ASL: variants seen among roughly 807,000 people sequenced by gnomAD.
ASL encodes argininosuccinase.
A neutral mutation model predicts 69.1 loss-of-function variants in ASL; 51 were observed. That is an observed-to-expected ratio of 0.74 (90% CI 0.59 to 0.93). The LOEUF is 0.93. Ranked by LOEUF, ASL falls within the 40% of genes least tolerant of loss-of-function variation. The probability of loss-of-function intolerance (pLI) is 0.00; values close to 1 mark genes in which losing one functional copy is unlikely to be tolerated. For synonymous variants in ASL, 241 were observed against 247.6 expected, an observed-to-expected ratio of 0.97 and a Z score of 0.25; for missense variants, 540 against 623.9, an observed-to-expected ratio of 0.87 and a Z score of 1.43.
intron 6 of ASL, among the ~76,000 whole-genome samples, chr7:66,085,003 C>T (rs1786618928): frequency 6.6e-6 from 1 of 152,120 alleles, no homozygotes. Flanking sequence ...AGTGATCCTT[C>T]CCTCTTGGCC....
chr7:66,091,967 G>T (rs1003974797), intron 14 of ASL, 39 bp from the exon 15 acceptor site: 1 of 1,610,390 alleles, frequency 6.2e-7, no homozygotes. Context: ...CAGATCCCAG[G>T]GTCCCCAGGG....
Position 66,088,813 on chromosome 7 carries a change from T to G in ASL, c.725T>G (p.Phe242Cys). 6.2e-7 allele frequency: 1 copy of G among 1,613,150 alleles called. No homozygotes were observed. Among genetic ancestry groups the G allele is most frequent in the Non-Finnish European group, 8.5e-7 (1 of 1,179,670 alleles). ...ATSERDFVAE[F>C]LFWASLCMTH... Reference sequence around the variant, plus strand: ...TGGGAACCTTTTCTCCCAGCCGAGTTCCTGTTCTGGGCTTCGCTGTGCATG... The same window carrying G: ...TGGGAACCTTTTCTCCCAGCCGAGTGCCTGTTCTGGGCTTCGCTGTGCATG... Residue 242 changes from phenylalanine (F) to cysteine (C), a missense_variant, in exon 11 of 17, where the codon TTC becomes TGC. Physicochemically the swap from Phe to Cys is radical, Grantham distance 205 (BLOSUM62 -2). Transcript: ENST00000304874.
rs753529387 is a variant in ASL, at chr7:66,076,073, C to T, written c.-9C>T. The T allele has an allele frequency of 6.2e-7, 1 of 1,600,132 alleles. No individual in the cohort carries two copies. The highest frequency in any genetic ancestry group is 1.7e-5 in the Admixed American group (1 of 58,378). The stretch of plus-strand genomic sequence containing the variant: ...ACCGAAGCTTCCGGACGACGAGGAA[C>T]CGCCCAACATGGCCTCGGAGGTGAG... On this transcript the variant is annotated 5_prime_UTR_variant, in exon 2 of 17. Transcript: ENST00000304874.
chr7:66,078,451 AC>A (rs1786410427), intron 2 of ASL, among the ~76,000 whole-genome samples: 1 of 151,944 alleles, frequency 6.6e-6, no homozygotes, highest in South Asian at 2.1e-4. Context: ...GCATACAGGA[AC>A]CAGGAGTGGA....
intron 2 of ASL, among the ~76,000 whole-genome samples, chr7:66,080,539 A>G (rs1271999724): frequency 6.6e-6 from 1 of 151,886 alleles, no homozygotes; most frequent in African/African-American, 2.4e-5. Flanking sequence ...CCTGACCAAC[A>G]TGGTGAAACC....
chr7:66,092,092 T>C lies in ASL; in HGVS notation c.1143+6T>C. 1 of 1,610,452 alleles carries C rather than the reference T, an allele frequency of 6.2e-7. No individual in the cohort carries two copies. Among genetic ancestry groups the C allele is most frequent in the Non-Finnish European group, 8.5e-7 (1 of 1,179,930 alleles). On this transcript the variant is annotated splice_donor_region_variant and intron_variant, in intron 15 of 16. Transcript: ENST00000304874. ...ATTACCTGGTCCGCAAAGGGGTAAGTGTGTAGCAGCCAGGGGGAGGGTGAG... is the reference window on the plus strand; with the variant it reads ...ATTACCTGGTCCGCAAAGGGGTAAGCGTGTAGCAGCCAGGGGGAGGGTGAG...
At chr7:66,083,500 C>A (rs1473554723) in intron 6 of ASL, among the ~76,000 whole-genome samples, 1 of 151,952 alleles carries the variant, frequency 6.6e-6, no homozygotes, top group Non-Finnish European at 1.5e-5. Flanking sequence ...GCCTGGCCAA[C>A]ATGGGAAAAC....
At chr7:66,086,302 G>A (rs1053348508) in intron 6 of ASL, among the ~76,000 whole-genome samples, 10 of 152,158 alleles carry the variant, frequency 6.6e-5, no homozygotes, top group African/African-American at 9.7e-5. Flanking sequence ...GCCCCTGCTC[G>A]GAGATGCTGA....
rs1388633554 is a variant in ASL, at chr7:66,088,877, C to T, written c.789C>T (p.Tyr263=). ...GGATGGCCGAGGACCTCATCCTCTA[C>T]TGCACCAAGGAATTCAGCTTCGTGC... ...LSRMAEDLIL[Y]CTKEFSFVQL... The change falls in exon 11 of 17, where the codon TAC becomes TAT. Residue 263 remains tyrosine, a synonymous_variant. Transcript: ENST00000304874. 6.2e-7 allele frequency: 1 copy of T among 1,613,984 alleles called. No homozygotes were observed. The highest frequency in any genetic ancestry group is 8.5e-7 in the Non-Finnish European group (1 of 1,180,034).
At position 66,087,299 on chromosome 7, in the gene ASL, G is replaced by A. The variant is rs1362000471; in HGVS notation, c.603-35G>A. 1.9e-6 allele frequency: 3 copies of A among 1,587,138 alleles called. No individual in the cohort carries two copies. The Admixed American group carries it at 5.0e-5, about 27-fold the overall frequency. ...GTGTGTGTGTCAGGGCTGCCTGCCA[G>A]GAGCCCTGGTCACCATGAATCCCTG... On this transcript the variant is annotated intron_variant, in intron 8 of 16. Coordinates refer to ENST00000304874, the MANE Select transcript of ASL (RefSeq NM_000048.4).
intron 2 of ASL, among the ~76,000 whole-genome samples, chr7:66,078,999 T>A (rs1187608818): frequency 6.6e-6 from 1 of 152,108 alleles, no homozygotes; most frequent in African/African-American, 2.4e-5. Flanking sequence ...AAGCTCCGCC[T>A]CCCGGGTTCA....
At chr7:66,091,980 C>T (rs532834882) in intron 14 of ASL, 26 bp from the exon 15 acceptor site, 3 of 1,612,256 alleles carry the variant, frequency 1.9e-6, no homozygotes, top group African/African-American at 1.3e-5. Flanking sequence ...CCCCAGGGCT[C>T]ACCACTCGCC....
At chr7:66,081,694 C>T in intron 2 of ASL, 109 bp from the exon 3 acceptor site, 1 of 1,322,918 alleles carries the variant, frequency 7.6e-7, no homozygotes, top group Non-Finnish European at 1.0e-6. Flanking sequence ...TTAGAATGAT[C>T]TGATGCCCCT....
chr7:66,076,515 C>T (rs917768324), intron 2 of ASL, among the ~76,000 whole-genome samples: 1 of 152,198 alleles, frequency 6.6e-6, no homozygotes, highest in African/African-American at 2.4e-5. Context: ...TAGAATAAAG[C>T]TCAGCCCCTA....
At position 66,092,887 on chromosome 7, in the gene ASL, C is replaced by A. The variant is rs752968765; in HGVS notation, c.1370C>A (p.Ala457Glu). 1 of 1,610,248 alleles carries A rather than the reference C, an allele frequency of 6.2e-7. No individual in the cohort carries two copies. Among genetic ancestry groups the A allele is most frequent in the East Asian group, 2.2e-5 (1 of 44,880 alleles). ...GACTGGCAGATCCGCCAGGTGCGGG[C>A]GCTACTGCAGGCACAGCAGGCCTAG... ...SVDWQIRQVR[A>E]LLQAQQA The change falls in exon 17 of 17, where the codon GCG (alanine) becomes GAG (glutamate). Residue 457 changes from alanine (A) to glutamate (E), a missense_variant. Coordinates refer to ENST00000304874, the MANE Select transcript of ASL (RefSeq NM_000048.4).
Position 66,089,340 on chromosome 7 carries a change from G to A in ASL, c.978+5G>A, listed in dbSNP as rs904413062. On this transcript the variant is annotated splice_donor_5th_base_variant and intron_variant, in intron 13 of 16. Transcript: ENST00000304874. ...ACCTACAACAAAGACTTACAGGTGC[G>A]AGGCCGGGGGAGGCCTGGCTAGTAC... 1.6e-5 allele frequency: 25 copies of A among 1,598,654 alleles called. No homozygotes were observed. Among genetic ancestry groups the A allele is most frequent in the Non-Finnish European group, 2.0e-5 (24 of 1,172,192 alleles).
rs115232785 is a variant in ASL at position 66,087,312 on chromosome 7, C to T, written c.603-22C>T. 2.5e-3 allele frequency: 4,020 copies of T among 1,601,070 alleles called. 81 individuals are homozygous for T. The African/African-American group carries it at 0.043, about 17-fold the overall frequency. The stretch of plus-strand genomic sequence containing the variant: ...GGCTGCCTGCCAGGAGCCCTGGTCA[C>T]CATGAATCCCTGTCCCTGCAGTGGG... On this transcript the variant is annotated intron_variant, in intron 8 of 16. Transcript: ENST00000304874.
At position 66,093,130 on chromosome 7, in the gene ASL, C is replaced by A; in HGVS notation, c.*218C>A. On this transcript the variant is annotated 3_prime_UTR_variant, in exon 17 of 17. Coordinates refer to ENST00000304874, the MANE Select transcript of ASL (RefSeq NM_000048.4). ...CAGGAGTTTGACACAGCCTGGGCAA[C>A]ACAGGGAGACCCCCATCTCTACTCA... 1.5e-6 allele frequency: 1 copy of A among 672,842 alleles called. No individual in the cohort carries two copies. The allele number at this position is 672,842 out of a possible 1,614,324, so 41.7% of individuals were successfully genotyped here. A position where few individuals can be genotyped will look rare whatever the true frequency, so the allele number is the denominator to read the frequency against.
At chr7:66,078,906 T>G (rs1408305038) in intron 2 of ASL, among the ~76,000 whole-genome samples, 1 of 150,872 alleles carries the variant, frequency 6.6e-6, no homozygotes, top group African/African-American at 2.4e-5. Flanking sequence ...ACCCTGAGGG[T>G]TTTTGTTTTT....
Sources: gnomAD v4.1 joint callset for allele counts (sites outside exome capture counted in the v4.1 genomes callset) on GRCh38, gnomAD v4.1.1 for gene constraint, MANE v1.5 for transcripts, NCBI Gene and HGNC (gene_info 2026-07-23, HGNC 2026-07-21) for gene names.